CDKN1C: variants seen among roughly 807,000 people sequenced by gnomAD.
The protein encoded by CDKN1C is cyclin-dependent kinase inhibitor 1C.
In CDKN1C, 7 loss-of-function variants were observed where a neutral mutation model predicts 16.5. That is an observed-to-expected ratio of 0.42 (90% CI 0.24 to 0.80). The LOEUF (loss-of-function observed/expected upper bound fraction) is 0.80. Among genes scored for constraint, CDKN1C ranks in the 30% least tolerant of loss-of-function variants. The pLI is 0.26. For missense variants in CDKN1C, 429 were observed against 437.3 expected, an observed-to-expected ratio of 0.98 and a Z score of 0.17; for synonymous variants, 288 against 214.4, an observed-to-expected ratio of 1.34 and a Z score of -3.00.
Position 2,883,743 on chromosome 11 carries a change from A to C in CDKN1C, c.*178T>G, listed in dbSNP as rs540697744. ...TCTCGTGCAGAATACATTTAGATATAAAAAGACGTTATTAATACATTGCAC... is the reference window on the plus strand; with the variant it reads ...TCTCGTGCAGAATACATTTAGATATCAAAAGACGTTATTAATACATTGCAC... On this transcript the variant is annotated 3_prime_UTR_variant, in exon 4 of 4. Coordinates refer to ENST00000440480, the MANE Select transcript of CDKN1C (RefSeq NM_001122630.2). 1 of 1,422,434 alleles carries C rather than the reference A, an allele frequency of 7.0e-7. No individual in the cohort carries two copies. Among genetic ancestry groups the C allele is most frequent in the African/African-American group, 1.5e-5 (1 of 68,218 alleles). The allele number at this position is 1,422,434 out of a possible 1,614,324, so 88.1% of individuals were successfully genotyped here.
At position 2,883,987 on chromosome 11, in the gene CDKN1C, C is replaced by T. The variant is rs752255760; in HGVS notation, c.*5+12G>A. The T allele has an allele frequency of 6.4e-7, 1 of 1,560,346 alleles. No individual in the cohort carries two copies. Among genetic ancestry groups the T allele is most frequent in the Non-Finnish European group, 8.7e-7 (1 of 1,153,502 alleles). On this transcript the variant is annotated intron_variant, in intron 3 of 3. Coordinates refer to ENST00000440480, the MANE Select transcript of CDKN1C (RefSeq NM_001122630.2). Reference sequence around the variant, plus strand: ...TCGGCCCTCCGCGCCCCCCCAGGTGCGCTGTACTCACTTGGCTCACCGCAG... The same window carrying T: ...TCGGCCCTCCGCGCCCCCCCAGGTGTGCTGTACTCACTTGGCTCACCGCAG...
Position 2,885,007 on chromosome 11 carries a change from AGCCGGGGCCGGG to A in CDKN1C, c.438_449del (p.Ala150_Pro153del), listed in dbSNP as rs1301544231. On this transcript the variant is annotated inframe_deletion, in exon 2 of 4. Coordinates refer to ENST00000440480, the MANE Select transcript of CDKN1C (RefSeq NM_001122630.2). ...CGACCGGAGCCGCGACCGGAGCCGG[AGCCGGGGCCGGG>A]GCTGGAGCCAGGACCGGGACTGGGG... 2.5e-5 allele frequency: 26 copies of A among 1,028,754 alleles called. No homozygotes were observed. The South Asian group carries it at 1.1e-3, about 43-fold the overall frequency. The allele number at this position is 1,028,754 out of a possible 1,614,324, so 63.7% of individuals were successfully genotyped here.
rs1293843452 is a variant in CDKN1C at position 2,885,725 on chromosome 11, C to A, written c.-102G>T. 4 of 598,940 alleles carry A rather than the reference C, an allele frequency of 6.7e-6. No homozygotes were observed. In the East Asian group the frequency reaches 1.1e-4, roughly 17 times the overall value. 37.1% of individuals were successfully genotyped at this position (598,940 alleles called of 1,614,324 possible). A position where few individuals can be genotyped will look rare whatever the true frequency, so the allele number is the denominator to read the frequency against. ...CCCTCGATGCCTGCTGGCTAGCTCGCTCGCTCAGGCCTGGCCGGCACCCCT... is the reference window on the plus strand; with the variant it reads ...CCCTCGATGCCTGCTGGCTAGCTCGATCGCTCAGGCCTGGCCGGCACCCCT... On this transcript the variant is annotated 5_prime_UTR_variant, in exon 1 of 4. Coordinates refer to ENST00000440480, the MANE Select transcript of CDKN1C (RefSeq NM_001122630.2).
chr11:2,883,626 CTTTT>C lies in CDKN1C; in HGVS notation c.*291_*294del. On this transcript the variant is annotated 3_prime_UTR_variant, in exon 4 of 4. Transcript: ENST00000440480. Reference sequence around the variant, plus strand: ...TTTTTTATTTTTTCCTTTTTTTTTTCTTTTTTCTTTTTTTTGCACTGAGTTTCAG... The same window carrying C: ...TTTTTTATTTTTTCCTTTTTTTTTTCTTCTTTTTTTTGCACTGAGTTTCAG... 1.8e-6 allele frequency: 1 copy of C among 557,424 alleles called. No individual in the cohort carries two copies. The highest frequency in any genetic ancestry group is 2.7e-6 in the Non-Finnish European group (1 of 373,438). The allele number at this position is 557,424 out of a possible 1,614,324, so 34.5% of individuals were successfully genotyped here.
Position 2,884,843 on chromosome 11 carries a change from G to T in CDKN1C, c.614C>A (p.Pro205Gln). The T allele has an allele frequency of 8.7e-7, 1 of 1,153,816 alleles. No individual in the cohort carries two copies. Among genetic ancestry groups the T allele is most frequent in the Non-Finnish European group, 1.1e-6 (1 of 935,626 alleles). 71.5% of individuals were successfully genotyped at this position (1,153,816 alleles called of 1,614,324 possible). The change falls in exon 2 of 4, where the codon CCG (proline) becomes CAG (glutamine). Residue 205 changes from proline (P) to glutamine (Q), a missense_variant. Coordinates refer to ENST00000440480, the MANE Select transcript of CDKN1C (RefSeq NM_001122630.2). Reference sequence around the variant, plus strand: ...GGCGCTCTCTTGAGGCGCCGCGTCCGGGGCCGGGGCCGGGGCGGGGGCCGG... The same window carrying T: ...GGCGCTCTCTTGAGGCGCCGCGTCCTGGGCCGGGGCCGGGGCGGGGGCCGG... ...PAPAPAPAPA[P>Q]DAAPQESAEQ...
chr11:2,884,050 G>T lies in CDKN1C; in HGVS notation c.872C>A (p.Pro291His). 1 of 1,553,258 alleles carries T rather than the reference G, an allele frequency of 6.4e-7. No homozygotes were observed. The change falls in exon 3 of 4, where the codon CCT becomes CAT. Residue 291 changes from proline to histidine, a missense_variant. Pro to His is a moderately conservative substitution (Grantham distance 77). Transcript: ENST00000440480. ...GGTCTGCTCCACCGAGCCCACGCCAGGGGCGGCGCTTGGAGAGGGACACGG... is the reference window on the plus strand; with the variant it reads ...GGTCTGCTCCACCGAGCCCACGCCATGGGCGGCGCTTGGAGAGGGACACGG... ...PAPCPSPSAAPGVGSVEQTPR... is the reference protein window; with the variant it reads ...PAPCPSPSAAHGVGSVEQTPR...
chr11:2,884,827 T>C lies in CDKN1C; in HGVS notation c.630A>G (p.Gln210=), dbSNP rs1848928119. The C allele has an allele frequency of 2.4e-6, 3 of 1,252,638 alleles. No individual in the cohort carries two copies. Among genetic ancestry groups the C allele is most frequent in the Non-Finnish European group, 3.0e-6 (3 of 994,028 alleles). The allele number at this position is 1,252,638 out of a possible 1,614,324, so 77.6% of individuals were successfully genotyped here. The change falls in exon 2 of 4, where the codon CAA becomes CAG. Residue 210 remains glutamine, a synonymous_variant. Transcript: ENST00000440480. ...APAPAPDAAP[Q]ESAEQGANQG... is the part of the protein sequence containing the mutation. ...GGTTCGCGCCCTGCTCGGCGCTCTCTTGAGGCGCCGCGTCCGGGGCCGGGG... is the reference window on the plus strand; with the variant it reads ...GGTTCGCGCCCTGCTCGGCGCTCTCCTGAGGCGCCGCGTCCGGGGCCGGGG...
rs1336810226 is a variant in CDKN1C, at chr11:2,883,877, T to A, written c.*44A>T. On this transcript the variant is annotated 3_prime_UTR_variant, in exon 4 of 4. Transcript: ENST00000440480. ...GGCCCAGCGCCCTTCCAACGTCCGC[T>A]GCCCCGGCAGGTTCCCTCGGGGCTC... 3 of 1,564,788 alleles carry A rather than the reference T, an allele frequency of 1.9e-6. No homozygotes were observed. The highest frequency in any genetic ancestry group is 1.8e-5 in the Admixed American group (1 of 54,550).
In CDKN1C at chr11:2,885,460, G is replaced by C. The variant is rs1848982994; in HGVS notation, c.-4C>G. ...CACGGGCGACAAGACGCTCCATCGT[G>C]GATGTGCTGCGGAGGGACGCGTCGG... On this transcript the variant is annotated 5_prime_UTR_variant, in exon 2 of 4. Coordinates refer to ENST00000440480, the MANE Select transcript of CDKN1C (RefSeq NM_001122630.2). The C allele has an allele frequency of 6.5e-7, 1 of 1,545,856 alleles. No individual in the cohort carries two copies. Among genetic ancestry groups the C allele is most frequent in the Non-Finnish European group, 8.7e-7 (1 of 1,147,506 alleles).
chr11:2,884,638 G>T (rs371264), intron 2 of CDKN1C, 32 bp downstream of exon 2: 13 of 1,206,790 alleles, frequency 1.1e-5, no homozygotes, highest in Non-Finnish European at 1.2e-5. Context: ...GCGGGGCCGG[G>T]CCGGGCCGGG....
rs1263008863 is a variant in CDKN1C, at chr11:2,883,925, G to A, written c.*6-10C>T. 6.3e-7 allele frequency: 1 copy of A among 1,590,582 alleles called. No homozygotes were observed. ...CTCTTTGGGCTCTAAACTGCGAGGAGAGGGGCGGTCAGCAAAGCCGGCGGG... is the reference window on the plus strand; with the variant it reads ...CTCTTTGGGCTCTAAACTGCGAGGAAAGGGGCGGTCAGCAAAGCCGGCGGG... On this transcript the variant is annotated splice_polypyrimidine_tract_variant and intron_variant, in intron 3 of 3. Coordinates refer to ENST00000440480, the MANE Select transcript of CDKN1C (RefSeq NM_001122630.2).
chr11:2,884,880 G>C lies in CDKN1C; in HGVS notation c.577C>G (p.Pro193Ala), dbSNP rs1345683292. 41 of 925,274 alleles carry C rather than the reference G, an allele frequency of 4.4e-5. No homozygotes were observed. The South Asian group carries it at 4.9e-4, about 11-fold the overall frequency. The allele number at this position is 925,274 out of a possible 1,614,324, so 57.3% of individuals were successfully genotyped here. ...GGGGCGGGGGCCGGGGCCGGGGCCG[G>C]GGCCGGGGCTGGGGCCGGGGCCGCG... ...PVAAPAPAPA[P>A]APAPAPAPAP... The change falls in exon 2 of 4, where the codon CCG becomes GCG. Residue 193 changes from proline (P) to alanine (A), a missense_variant. By Grantham distance (27) the Pro-to-Ala change is conservative (BLOSUM62 -1). Transcript: ENST00000440480.
chr11:2,883,705 G>A lies in CDKN1C; in HGVS notation c.*216C>T. 5.9e-6 allele frequency: 7 copies of A among 1,186,042 alleles called. No homozygotes were observed. The highest frequency in any genetic ancestry group is 7.8e-6 in the Non-Finnish European group (7 of 899,792). 73.5% of individuals were successfully genotyped at this position (1,186,042 alleles called of 1,614,324 possible). A position where few individuals can be genotyped will look rare whatever the true frequency, so the allele number is the denominator to read the frequency against. On this transcript the variant is annotated 3_prime_UTR_variant, in exon 4 of 4. Transcript: ENST00000440480. ...TGACTCTTAAAGCTTTACACCTTGG[G>A]ACCAGTGTACCTTCTCGTGCAGAAT...
rs1564928232 is a variant in CDKN1C at position 2,883,704 on chromosome 11, G to A, written c.*217C>T. On this transcript the variant is annotated 3_prime_UTR_variant, in exon 4 of 4. Coordinates refer to ENST00000440480, the MANE Select transcript of CDKN1C (RefSeq NM_001122630.2). ...ATGACTCTTAAAGCTTTACACCTTG[G>A]GACCAGTGTACCTTCTCGTGCAGAA... is the stretch of plus-strand genomic sequence containing the variant. The A allele has an allele frequency of 8.5e-7, 1 of 1,174,030 alleles. No individual in the cohort carries two copies. Among genetic ancestry groups the A allele is most frequent in the East Asian group, 3.0e-5 (1 of 33,702 alleles). The allele number at this position is 1,174,030 out of a possible 1,614,324, so 72.7% of individuals were successfully genotyped here.
rs898729531 is a variant in CDKN1C, at chr11:2,885,007, A to T, written c.450T>A (p.Ala150=). ...CGACCGGAGCCGCGACCGGAGCCGG[A>T]GCCGGGGCCGGGGCTGGAGCCAGGA... ...VPVLAPAPAP[A]PAPVAAPVAA... is the part of the protein sequence containing the mutation. The change falls in exon 2 of 4, where the codon GCT becomes GCA. Residue 150 remains alanine (A), a synonymous_variant. Transcript: ENST00000440480. 1.9e-5 allele frequency: 20 copies of T among 1,028,754 alleles called. No homozygotes were observed. The highest frequency in any genetic ancestry group is 3.8e-5 in the African/African-American group (2 of 53,238). 63.7% of individuals were successfully genotyped at this position (1,028,754 alleles called of 1,614,324 possible). A position where few individuals can be genotyped will look rare whatever the true frequency, so the allele number is the denominator to read the frequency against.
rs1590150922 is a variant in CDKN1C at position 2,885,186 on chromosome 11, G to A, written c.271C>T (p.Leu91=). 6.5e-7 allele frequency: 1 copy of A among 1,532,038 alleles called. No homozygotes were observed. 94.9% of individuals were successfully genotyped at this position (1,532,038 alleles called of 1,614,324 possible). A position where few individuals can be genotyped will look rare whatever the true frequency, so the allele number is the denominator to read the frequency against. The change falls in exon 2 of 4, where the codon CTG becomes TTG. Residue 91 remains leucine (L), a synonymous_variant. Coordinates refer to ENST00000440480, the MANE Select transcript of CDKN1C (RefSeq NM_001122630.2). ...RETVQVGRCR[L]LLAPRPVAVA... ...GCGACGGGCCGCGGCGCCAGCAGCA[G>A]GCGGCAGCGCCCCACCTGCACCGTC...
Position 2,884,164 on chromosome 11 carries a change from G to A in CDKN1C, c.788-30C>T, listed in dbSNP as rs1031930734. ...GGGCGACAGCGCGCGCGGCCGGTCAGGGCGGGGCCGGCCCGGAGACCCGAG... is the reference window on the plus strand; with the variant it reads ...GGGCGACAGCGCGCGCGGCCGGTCAAGGCGGGGCCGGCCCGGAGACCCGAG... On this transcript the variant is annotated intron_variant, in intron 2 of 3. Coordinates refer to ENST00000440480, the MANE Select transcript of CDKN1C (RefSeq NM_001122630.2). 2.2e-6 allele frequency: 3 copies of A among 1,379,318 alleles called. No homozygotes were observed. The African/African-American group carries it at 4.5e-5, about 21-fold the overall frequency. The allele number at this position is 1,379,318 out of a possible 1,614,324, so 85.4% of individuals were successfully genotyped here. A position where few individuals can be genotyped will look rare whatever the true frequency, so the allele number is the denominator to read the frequency against.
Position 2,885,388 on chromosome 11 carries a change from G to C in CDKN1C, c.69C>G (p.Phe23Leu). 1 of 1,570,448 alleles carries C rather than the reference G, an allele frequency of 6.4e-7. No homozygotes were observed. The highest frequency in any genetic ancestry group is 8.6e-7 in the Non-Finnish European group (1 of 1,160,892). ...LVRTSACRSL[F>L]GPVDHEELSR... ...TCAGCTCCTCGTGGTCCACCGGCCC[G>C]AAGAGGCTGCGGCAGGCGCTGGTGC... Residue 23 changes from phenylalanine (F) to leucine (L), a missense_variant, in exon 2 of 4, where the codon TTC (phenylalanine) becomes TTG (leucine). Phe to Leu is a conservative substitution (Grantham distance 22, BLOSUM62 0). Transcript: ENST00000440480.
At chr11:2,884,505 G>T in intron 2 of CDKN1C, 165 bp downstream of exon 2, 1 of 367,052 alleles carries the variant, frequency 2.7e-6, no homozygotes, top group Non-Finnish European at 4.7e-6. Context: ...GCACAACAAC[G>T]GGGCGGGGAG....
Sources: allele counts gnomAD v4.1 joint callset, GRCh38; gene constraint gnomAD v4.1.1; transcripts MANE v1.5; gene names NCBI Gene and HGNC (gene_info 2026-07-23, HGNC 2026-07-21).